The following THSD7A variants were observed in gnomAD, a reference collection of about 807,000 sequenced individuals.
THSD7A encodes the protein thrombospondin type 1 domain containing 7A, also known as thrombospondin type-1 domain-containing protein 7A.
Under a neutral mutation model 231.3 loss-of-function variants are expected in THSD7A, and 96 were observed. The ratio of observed to expected loss-of-function variants is 0.41; its 90% CI spans 0.35 to 0.49. The LOEUF is 0.49. THSD7A is among the 20% of genes least tolerant of loss of function. The pLI is 0.05. For missense variants in THSD7A, 2,290 were observed against 2,070.2 expected (o/e 1.11, Z -2.06); for synonymous variants, 940 against 743.3 (o/e 1.26, Z -4.30).
intron 1 of THSD7A, among the ~76,000 whole-genome samples, chr7:11,802,421 G>A (rs1383372826): frequency 2.0e-5 from 3 of 152,172 alleles, no homozygotes; most frequent in African/African-American, 7.2e-5. Context: ...CCTTGAGACT[G>A]CAGACCTGAG....
rs551652667 is a variant in THSD7A, at chr7:11,372,232, C to A, written c.*3562G>T. On this transcript the variant is annotated 3_prime_UTR_variant, in exon 28 of 28. Coordinates refer to ENST00000423059, the MANE Select transcript of THSD7A (RefSeq NM_015204.3). The stretch of plus-strand genomic sequence containing the variant: ...AATACTAACCCCATCTAAAAACAAA[C>A]CTAGAGTAAAAGTCAACATGTTTCA... 6.6e-6 allele frequency: 1 copy of A among 152,040 alleles called. No individual in the cohort carries two copies. The highest frequency in any genetic ancestry group is 1.9e-4 in the East Asian group (1 of 5,158). The allele number at this position is 152,040 out of a possible 1,614,324, so 9.4% of individuals were successfully genotyped here.
intron 2 of THSD7A, among the ~76,000 whole-genome samples, chr7:11,615,593 A>G (rs1307640063): frequency 6.6e-6 from 1 of 152,188 alleles, no homozygotes; most frequent in Non-Finnish European, 1.5e-5. Flanking sequence ...TGCTTTGGCT[A>G]AATTCTACAC....
intron 4 of THSD7A, among the ~76,000 whole-genome samples, chr7:11,556,235 G>T (rs1316936141): frequency 6.6e-6 from 1 of 150,660 alleles, no homozygotes; most frequent in Non-Finnish European, 1.5e-5. Flanking sequence ...AGCTCTTTTA[G>T]TGTTTGCTGT....
intron 23 of THSD7A, 59 bp downstream of exon 23, chr7:11,401,734 CTA>C (rs1783410982): frequency 6.8e-7 from 1 of 1,468,866 alleles, no homozygotes; most frequent in East Asian, 2.4e-5. Context: ...TTTTAACAGA[CTA>C]TTTTTTTTTT....
At chr7:11,828,705 T>G (rs1785100418) in intron 1 of THSD7A, among the ~76,000 whole-genome samples, 1 of 149,512 alleles carries the variant, frequency 6.7e-6, no homozygotes, top group East Asian at 1.9e-4. Flanking sequence ...TGTTGTGAGT[T>G]GACTTAATAA....
intron 11 of THSD7A, among the ~76,000 whole-genome samples, chr7:11,455,096 G>GTC (rs147007180): frequency 1.0e-3 from 153 of 151,124 alleles, no homozygotes; most frequent in African/African-American, 3.3e-3. Flanking sequence ...TTCTCTCTCT[G>GTC]TCTCTCTCTC....
At chr7:11,500,688 C>T (rs1263222653) in intron 6 of THSD7A, among the ~76,000 whole-genome samples, 1 of 151,828 alleles carries the variant, frequency 6.6e-6, no homozygotes, top group Non-Finnish European at 1.5e-5. Flanking sequence ...ATCTGTAATC[C>T]CAGCACTTTA....
At chr7:11,480,823 G>C (rs573898976) in intron 7 of THSD7A, among the ~76,000 whole-genome samples, 3 of 152,072 alleles carry the variant, frequency 2.0e-5, no homozygotes, top group African/African-American at 4.8e-5. Flanking sequence ...AATAGAAAAA[G>C]TATAGGCAAC....
At chr7:11,601,791 C>A (rs1020786538) in intron 2 of THSD7A, among the ~76,000 whole-genome samples, 4 of 152,136 alleles carry the variant, frequency 2.6e-5, no homozygotes, top group Admixed American at 2.0e-4. Flanking sequence ...TAAAACTACT[C>A]ACATTACCTT....
At chr7:11,402,799 A>G (rs1484795116) in intron 22 of THSD7A, among the ~76,000 whole-genome samples, 3 of 152,120 alleles carry the variant, frequency 2.0e-5, no homozygotes, top group African/African-American at 7.2e-5. Flanking sequence ...TGAAGTTCTA[A>G]TTTCTTCATT....
intron 6 of THSD7A, among the ~76,000 whole-genome samples, chr7:11,518,360 G>T (rs1024312937): frequency 6.6e-6 from 1 of 152,092 alleles, no homozygotes; most frequent in African/African-American, 2.4e-5. Context: ...GTTCAATTTG[G>T]CTTTAAAGGA....
In THSD7A at chr7:11,374,999, G is replaced by A. The variant is rs963689079; in HGVS notation, c.*795C>T. ...TGCTGCACTAATATAGTGCAAAAAT[G>A]TGCCTTCCATATAGCAAAAAAGATG... On this transcript the variant is annotated 3_prime_UTR_variant, in exon 28 of 28. Transcript: ENST00000423059. 46 of 152,048 alleles carry A rather than the reference G, an allele frequency of 3.0e-4. No individual in the cohort carries two copies. Among genetic ancestry groups the A allele is most frequent in the African/African-American group, 9.9e-4 (41 of 41,418 alleles). 9.4% of individuals were successfully genotyped at this position (152,048 alleles called of 1,614,324 possible). A position where few individuals can be genotyped will look rare whatever the true frequency, so the allele number is the denominator to read the frequency against.
chr7:11,696,065 T>C (rs1173733344), intron 1 of THSD7A, among the ~76,000 whole-genome samples: 1 of 151,468 alleles, frequency 6.6e-6, no homozygotes, highest in Non-Finnish European at 1.5e-5. Context: ...CTGAGTTATT[T>C]GGGGAATGCT....
chr7:11,749,492 C>T (rs750015435), intron 1 of THSD7A, among the ~76,000 whole-genome samples: 1 of 151,408 alleles, frequency 6.6e-6, no homozygotes, highest in Admixed American at 6.6e-5. Context: ...ATAAGTATAG[C>T]GGCCATCACC....
intron 4 of THSD7A, among the ~76,000 whole-genome samples, chr7:11,551,724 A>G (rs10240343): frequency 0.23 from 34,972 of 151,956 alleles, 4,657 homozygotes; most frequent in African/African-American, 0.37. Flanking sequence ...CTAAGAAAAG[A>G]GAACACTTAT....
chr7:11,559,470 C>T (rs972633501), intron 4 of THSD7A, among the ~76,000 whole-genome samples: 1 of 151,590 alleles, frequency 6.6e-6, no homozygotes, highest in Non-Finnish European at 1.5e-5. Flanking sequence ...TCATTTGCAA[C>T]TCCACCTTAA....
At chr7:11,488,734 A>T (rs985677937) in intron 6 of THSD7A, among the ~76,000 whole-genome samples, 3 of 152,050 alleles carry the variant, frequency 2.0e-5, no homozygotes, top group African/African-American at 7.2e-5. Flanking sequence ...TCTCCAATAT[A>T]TATTAGCTGA....
intron 1 of THSD7A, among the ~76,000 whole-genome samples, chr7:11,733,166 C>T (rs535921241): frequency 6.6e-6 from 1 of 151,910 alleles, no homozygotes; most frequent in South Asian, 2.1e-4. Context: ...TAATAAAAAT[C>T]AATCAGTGAA....
rs760110830 is a variant in THSD7A at position 11,474,453 on chromosome 7, G to A, written c.2133C>T (p.Thr711=). 1 of 1,613,592 alleles carries A rather than the reference G, an allele frequency of 6.2e-7. No individual in the cohort carries two copies. The highest frequency in any genetic ancestry group is 8.5e-7 in the Non-Finnish European group (1 of 1,179,614). ...TAGTTGTGTTGAAGGACGATACTGAGGTGTCCTCAATGCACTGGCCCCAGG... is the reference window on the plus strand; with the variant it reads ...TAGTTGTGTTGAAGGACGATACTGAAGTGTCCTCAATGCACTGGCCCCAGG... ...TGPWGQCIED[T]SVSSFNTTTT... is the part of the protein sequence containing the mutation. The change falls in exon 8 of 28, where the codon ACC becomes ACT. Residue 711 remains threonine (T), a synonymous_variant. Transcript: ENST00000423059. This position sits in a 1 kb window ranked among gnomAD's most constrained non-coding sequence, Gnocchi z 4.1.
Sources: gnomAD v4.1 joint callset for allele counts (sites outside exome capture counted in the v4.1 genomes callset) on GRCh38, gnomAD v4.1.1 for gene constraint, Gnocchi (gnomAD v3.1) non-coding constraint, MANE v1.5 for transcripts, NCBI Gene and HGNC (gene_info 2026-07-23, HGNC 2026-07-21) for gene names.